Variants in DNAH5 observed in about 807,000 individuals in gnomAD.
DNAH5 encodes dynein axonemal heavy chain 5, also known as axonemal beta dynein heavy chain 5.
Under a neutral mutation model 518.2 loss-of-function variants are expected in DNAH5, and 372 were observed. The observed-to-expected ratio is 0.72, with a 90% CI of 0.66 to 0.78. The LOEUF (loss-of-function observed/expected upper bound fraction) is 0.78, where lower values mean the gene tolerates loss of function less well. Ranked by LOEUF, DNAH5 falls within the 30% of genes least tolerant of loss-of-function variation. The pLI is 0.00. For missense variants in DNAH5, 5,523 were observed against 5,687.0 expected (o/e 0.97, Z 0.93); for synonymous variants, 2,039 against 2,025.9 (o/e 1.01, Z -0.17).
chr5:13,843,115 G>C (rs147291113), intron 32 of DNAH5, among the ~76,000 whole-genome samples: 1 of 152,084 alleles, frequency 6.6e-6, no homozygotes, highest in Non-Finnish European at 1.5e-5. Flanking sequence ...AAAACAACAA[G>C]AAACATTGAT....
At chr5:13,927,035 A>G (rs1580927706) in intron 3 of DNAH5, among the ~76,000 whole-genome samples, 1 of 152,156 alleles carries the variant, frequency 6.6e-6, no homozygotes. Flanking sequence ...AGCAATAGCT[A>G]TTTTCCCTTT....
At chr5:13,781,668 G>A (rs1233118719) in intron 52 of DNAH5, among the ~76,000 whole-genome samples, 1 of 151,872 alleles carries the variant, frequency 6.6e-6, no homozygotes, top group Non-Finnish European at 1.5e-5. Context: ...CGCCATGTAA[G>A]AAGTGCCTTT....
intron 65 of DNAH5, among the ~76,000 whole-genome samples, chr5:13,739,827 G>A (rs973961689): frequency 1.3e-5 from 2 of 152,018 alleles, no homozygotes; most frequent in Non-Finnish European, 2.9e-5. Context: ...CTTAGTTTAT[G>A]CTTACGAGAA....
chr5:13,784,436 A>G (rs570895426), intron 52 of DNAH5, among the ~76,000 whole-genome samples: 2 of 152,342 alleles, frequency 1.3e-5, no homozygotes, highest in East Asian at 3.9e-4. Context: ...GAGAATCCAC[A>G]GAGTTGCCAA....
rs1211903827 is a variant in DNAH5 at position 13,818,327 on chromosome 5, G to A, written c.6842-633C>T. On this transcript the variant is annotated intron_variant, in intron 41 of 78. Transcript: ENST00000265104. ...AAAATTATAAAAATGGGCAGGGCAT[G>A]GTGGCTCACGCCTGTAATCCCAGCA... Among the ~76,000 whole-genome samples the A allele has an allele frequency of 2.0e-5, 3 of 152,332 alleles. No individual in the cohort carries two copies. The South Asian group carries it at 6.2e-4, about 32-fold the overall frequency.
At chr5:13,795,377 G>A (rs540955767) in intron 47 of DNAH5, among the ~76,000 whole-genome samples, 11 of 152,152 alleles carry the variant, frequency 7.2e-5, no homozygotes, top group African/African-American at 2.4e-4. Context: ...TATCACCACC[G>A]ATCCCACAGA....
At chr5:13,814,974 T>G (rs1462137276) in intron 42 of DNAH5, 128 bp from the exon 43 acceptor site, 2 of 925,348 alleles carry the variant, frequency 2.2e-6, no homozygotes, top group East Asian at 5.3e-5. Flanking sequence ...AATATAGTTT[T>G]GCTCCAAATG....
At chr5:13,692,852 C>A (rs1740883701) in intron 78 of DNAH5, among the ~76,000 whole-genome samples, 1 of 152,174 alleles carries the variant, frequency 6.6e-6, no homozygotes, top group Admixed American at 6.6e-5. Flanking sequence ...TTCTCTCCAG[C>A]CTTGGAAACC....
chr5:13,749,664 C>T (rs1749927771), intron 65 of DNAH5, among the ~76,000 whole-genome samples: 1 of 152,078 alleles, frequency 6.6e-6, no homozygotes, highest in Non-Finnish European at 1.5e-5. Flanking sequence ...CATCAGGGCC[C>T]CTTATCTCCA....
At chr5:13,886,801 T>A (rs1772504711) in intron 17 of DNAH5, among the ~76,000 whole-genome samples, 1 of 152,230 alleles carries the variant, frequency 6.6e-6, no homozygotes, top group African/African-American at 2.4e-5. Context: ...AAATCCTTGC[T>A]CTGCATGATC....
chr5:13,865,679 T>A lies in DNAH5; in HGVS notation c.4344A>T (p.Glu1448Asp), dbSNP rs1227151432. The A allele has an allele frequency of 6.4e-7, 1 of 1,564,862 alleles. No individual in the cohort carries two copies. The highest frequency in any genetic ancestry group is 8.8e-7 in the Non-Finnish European group (1 of 1,135,276). The change falls in exon 27 of 79, where the codon GAA becomes GAT. Residue 1448 changes from glutamate to aspartate, a missense_variant. Physicochemically the swap from Glu to Asp is conservative, Grantham distance 45. Transcript: ENST00000265104. The part of the protein sequence containing the change: ...NIEKINNELL[E>D]FQNRCRKLPR... ...ATTTAATTTCTTACCTGTTCTGGAA[T>A]TCTAAGAGTTCATTGTTAATTTTTT...
intron 2 of DNAH5, among the ~76,000 whole-genome samples, chr5:13,929,533 C>G (rs1189346987): frequency 6.6e-6 from 1 of 152,146 alleles, no homozygotes; most frequent in Non-Finnish European, 1.5e-5. Context: ...AGGATAAAAT[C>G]TAGCCTGAAC....
Position 13,901,244 on chromosome 5 carries a change from G to T in DNAH5, c.2052+8C>A. The T allele has an allele frequency of 6.2e-7, 1 of 1,612,442 alleles. No homozygotes were observed. The highest frequency in any genetic ancestry group is 8.5e-7 in the Non-Finnish European group (1 of 1,179,862). ...AACAATGGGAAGAGTATAAATTTAGGGACTCACTTGCCGAAGCCACGCCCT... is the reference window on the plus strand; with the variant it reads ...AACAATGGGAAGAGTATAAATTTAGTGACTCACTTGCCGAAGCCACGCCCT... On this transcript the variant is annotated splice_region_variant and intron_variant, in intron 14 of 78. Coordinates refer to ENST00000265104, the MANE Select transcript of DNAH5 (RefSeq NM_001369.3).
chr5:13,993,402 CTG>C (rs1342332657), intron 1 of DNAH5, among the ~76,000 whole-genome samples: 1 of 151,982 alleles, frequency 6.6e-6, no homozygotes, highest in African/African-American at 2.4e-5. Context: ...CTAAGCAAGC[CTG>C]AGAAAAGGGG....
At chr5:13,886,782 C>T (rs1230995572) in intron 17 of DNAH5, among the ~76,000 whole-genome samples, 1 of 152,168 alleles carries the variant, frequency 6.6e-6, no homozygotes, top group Non-Finnish European at 1.5e-5. Context: ...GGCTTGAAAA[C>T]TAGGATTCAA....
intron 49 of DNAH5, among the ~76,000 whole-genome samples, 159 bp downstream of exon 49, chr5:13,793,356 C>T (rs1470493815): frequency 6.6e-6 from 1 of 152,122 alleles, no homozygotes; most frequent in African/African-American, 2.4e-5. Flanking sequence ...GAATCAATCC[C>T]TATAGGAAAT....
chr5:13,932,330 C>T (rs945626378), intron 1 of DNAH5: 1 of 152,228 alleles, frequency 6.6e-6, no homozygotes, highest in Non-Finnish European at 1.5e-5. Context: ...GGGTCTCCCA[C>T]TCTAGCCTGG....
chr5:13,964,060 GC>G (rs1367413810), intron 1 of DNAH5, among the ~76,000 whole-genome samples: 2 of 152,194 alleles, frequency 1.3e-5, no homozygotes, highest in African/African-American at 2.4e-5. Flanking sequence ...TAAGCAGTAG[GC>G]TAAAACACTG....
chr5:13,747,976 T>G (rs1749645116), intron 65 of DNAH5, among the ~76,000 whole-genome samples: 1 of 152,222 alleles, frequency 6.6e-6, no homozygotes, highest in Non-Finnish European at 1.5e-5. Flanking sequence ...TGAATGGTAT[T>G]GCCTAGGTTT....
Sources: gnomAD v4.1 joint callset for allele counts (sites outside exome capture counted in the v4.1 genomes callset) on GRCh38, gnomAD v4.1.1 for gene constraint, MANE v1.5 for transcripts, NCBI Gene and HGNC (gene_info 2026-07-23, HGNC 2026-07-21) for gene names.